Variants in BMAL1 observed in about 807,000 individuals in gnomAD.
BMAL1 encodes basic helix-loop-helix ARNT like 1, also known as basic helix-loop-helix ARNT-like protein 1.
At chr11:13,369,641 A>G in the BMAL1 span, 35 of 1,613,956 alleles carry the variant, frequency 2.2e-5, no homozygotes, top group Non-Finnish European at 2.9e-5. Context: ...TAAAACAGAT[A>G]TAACCCCTGG....
At chr11:13,336,419 G>A in the BMAL1 span, among the ~76,000 whole-genome samples, 1 of 152,182 alleles carries the variant, frequency 6.6e-6, no homozygotes. Context: ...ACCTCGGCCT[G>A]AGTCAGACTG....
chr11:13,377,136 T>G, the BMAL1 span, among the ~76,000 whole-genome samples: 3 of 152,314 alleles, frequency 2.0e-5, no homozygotes, highest in Middle Eastern at 0.01. Context: ...CTTCTCAGGC[T>G]CAGCCTTGGC....
At chr11:13,326,965 G>C in the BMAL1 span, among the ~76,000 whole-genome samples, 3 of 151,882 alleles carry the variant, frequency 2.0e-5, no homozygotes, top group Admixed American at 6.5e-5. Flanking sequence ...GACTACAGGC[G>C]CCCGCCACCA....
the BMAL1 span, among the ~76,000 whole-genome samples, chr11:13,297,919 C>T: frequency 6.6e-6 from 1 of 152,172 alleles, no homozygotes; most frequent in Non-Finnish European, 1.5e-5. Flanking sequence ...AATTTCATCC[C>T]GCTACTGTGC....
the BMAL1 span, chr11:13,365,610 G>T: frequency 6.2e-7 from 1 of 1,604,750 alleles, no homozygotes; most frequent in South Asian, 1.1e-5. Context: ...TCATGCTCCT[G>T]TTGATGGTGG....
At chr11:13,302,027 T>A in the BMAL1 span, among the ~76,000 whole-genome samples, 1 of 152,038 alleles carries the variant, frequency 6.6e-6, no homozygotes, top group Non-Finnish European at 1.5e-5. Flanking sequence ...AGATGCCGTA[T>A]GTTTAGAGGC....
At chr11:13,294,254 T>C in the BMAL1 span, among the ~76,000 whole-genome samples, 1 of 152,228 alleles carries the variant, frequency 6.6e-6, no homozygotes, top group Non-Finnish European at 1.5e-5. Flanking sequence ...AAAACAGGAA[T>C]TGAAATTATA....
At chr11:13,386,750 G>A in the BMAL1 span, 25 of 1,613,540 alleles carry the variant, frequency 1.5e-5, no homozygotes, top group African/African-American at 2.7e-5. Context: ...TGCCATGGCC[G>A]CTGTAAACAC....
the BMAL1 span, among the ~76,000 whole-genome samples, chr11:13,354,124 A>C: frequency 1.3e-3 from 204 of 152,238 alleles, 5 homozygotes; most frequent in East Asian, 0.038. Context: ...CCATTCTATC[A>C]CATGCCTGTT....
chr11:13,314,103 C>T, the BMAL1 span, among the ~76,000 whole-genome samples: 5 of 152,216 alleles, frequency 3.3e-5, no homozygotes, highest in African/African-American at 9.6e-5. Flanking sequence ...CTCTCCATGA[C>T]CTGGAAATGA....
chr11:13,310,396 T>C, the BMAL1 span, among the ~76,000 whole-genome samples: 1 of 152,098 alleles, frequency 6.6e-6, no homozygotes, highest in African/African-American at 2.4e-5. Flanking sequence ...TTTTCGGGAC[T>C]TGAGAACATA....
the BMAL1 span, among the ~76,000 whole-genome samples, chr11:13,279,567 C>T: frequency 4.6e-5 from 7 of 152,054 alleles, no homozygotes; most frequent in Non-Finnish European, 8.8e-5. Context: ...CATGCTCTCT[C>T]TGCTTGCAAG....
chr11:13,372,951 GA>G, the BMAL1 span, among the ~76,000 whole-genome samples: 1 of 152,186 alleles, frequency 6.6e-6, no homozygotes, highest in Admixed American at 6.5e-5. Context: ...ATGGCTAAAA[GA>G]AAAACAGTAG....
At chr11:13,342,254 G>A in the BMAL1 span, among the ~76,000 whole-genome samples, 23 of 152,198 alleles carry the variant, frequency 1.5e-4, no homozygotes, top group African/African-American at 2.4e-4. Flanking sequence ...CAGTGAGCAC[G>A]CACTGGGCAA....
At chr11:13,284,258 A>ATGTG in the BMAL1 span, among the ~76,000 whole-genome samples, 221 of 24,292 alleles carry the variant, frequency 9.1e-3, 13 homozygotes, top group Middle Eastern at 0.026. Flanking sequence ...ATATATATAT[A>ATGTG]TATATATATT....
chr11:13,284,224 A>G, the BMAL1 span, among the ~76,000 whole-genome samples: 1 of 23,158 alleles, frequency 4.3e-5, no homozygotes, highest in Non-Finnish European at 1.0e-4. Context: ...ATATATATAT[A>G]TATGTGTGTG....
the BMAL1 span, among the ~76,000 whole-genome samples, chr11:13,348,963 T>C: frequency 6.6e-6 from 1 of 152,206 alleles, no homozygotes; most frequent in Non-Finnish European, 1.5e-5. Flanking sequence ...GTTTAAAATC[T>C]AAATTTTGCC....
chr11:13,375,229 C>T, the BMAL1 span, among the ~76,000 whole-genome samples: 1 of 152,174 alleles, frequency 6.6e-6, no homozygotes, highest in Non-Finnish European at 1.5e-5. Flanking sequence ...TTTGGATGTT[C>T]TTAGAAATGA....
the BMAL1 span, chr11:13,358,736 C>A: frequency 1.1e-6 from 1 of 906,986 alleles, no homozygotes; most frequent in Non-Finnish European, 1.5e-6. Context: ...TCAGCAACAG[C>A]CGTGATGCCA....
Sources: gnomAD v4.1 joint callset for allele counts (sites outside exome capture counted in the v4.1 genomes callset) on GRCh38, gnomAD v4.1.1 for gene constraint, MANE v1.5 for transcripts, NCBI Gene and HGNC (gene_info 2026-07-23, HGNC 2026-07-21) for gene names.